Variants in ST6GALNAC3 observed in about 807,000 individuals in gnomAD.
The protein encoded by ST6GALNAC3 is ST6 N-acetylgalactosaminide alpha-2,6-sialyltransferase 3.
ST6GALNAC3 carries 25 observed loss-of-function variants against 32.7 expected under a neutral mutation model. The ratio of observed to expected loss-of-function variants is 0.76; its 90% CI spans 0.56 to 1.07. ST6GALNAC3 has a LOEUF of 1.07. Among genes scored for constraint, ST6GALNAC3 ranks in the 50% least tolerant of loss-of-function variants. The probability of loss-of-function intolerance (pLI) is 0.00; values close to 1 mark genes in which losing one functional copy is unlikely to be tolerated. For missense variants in ST6GALNAC3, 355 were observed against 382.4 expected, an observed-to-expected ratio of 0.93 and a Z score of 0.60; for synonymous variants, 129 against 133.1, an observed-to-expected ratio of 0.97 and a Z score of 0.21.
At chr1:76,296,290 A>G (rs1321575913) in intron 1 of ST6GALNAC3, among the ~76,000 whole-genome samples, 1 of 152,080 alleles carries the variant, frequency 6.6e-6, no homozygotes, top group African/African-American at 2.4e-5. Flanking sequence ...CTGTGTGAAA[A>G]TACATTTTTG....
chr1:76,411,113 A>G (rs1401157946), intron 2 of ST6GALNAC3, among the ~76,000 whole-genome samples: 3 of 152,188 alleles, frequency 2.0e-5, no homozygotes, highest in Admixed American at 6.5e-5. Context: ...AAGGGTGACT[A>G]TGTGGGAGAG....
intron 2 of ST6GALNAC3, among the ~76,000 whole-genome samples, chr1:76,403,552 G>T (rs1238035055): frequency 1.3e-5 from 2 of 152,094 alleles, no homozygotes; most frequent in Non-Finnish European, 2.9e-5. Flanking sequence ...ACAAAATTAT[G>T]TGCAGGTGCC....
chr1:76,188,453 T>C (rs1653704837), intron 1 of ST6GALNAC3, among the ~76,000 whole-genome samples: 1 of 152,176 alleles, frequency 6.6e-6, no homozygotes, highest in Non-Finnish European at 1.5e-5. Flanking sequence ...CCATGTACTA[T>C]TGGACTGGTG....
intron 3 of ST6GALNAC3, among the ~76,000 whole-genome samples, chr1:76,423,991 T>C (rs1256624508): frequency 6.6e-6 from 1 of 151,960 alleles, no homozygotes; most frequent in Non-Finnish European, 1.5e-5. Context: ...ACATCAGCTG[T>C]ATCATTGTGG....
At chr1:76,615,348 A>G (rs911591101) in intron 3 of ST6GALNAC3, among the ~76,000 whole-genome samples, 1 of 152,066 alleles carries the variant, frequency 6.6e-6, no homozygotes, top group African/African-American at 2.4e-5. Context: ...GCTAAGGGGA[A>G]GGGAAGGGAA....
intron 2 of ST6GALNAC3, among the ~76,000 whole-genome samples, chr1:76,351,560 C>T (rs1469661381): frequency 6.6e-6 from 1 of 151,916 alleles, no homozygotes; most frequent in Admixed American, 6.5e-5. Flanking sequence ...TTAGAGTCTC[C>T]ATGTTTGCCC....
chr1:76,221,540 C>T (rs937492676), intron 1 of ST6GALNAC3, among the ~76,000 whole-genome samples: 7 of 152,180 alleles, frequency 4.6e-5, no homozygotes, highest in Admixed American at 6.5e-5. Context: ...CTCCCCTTCC[C>T]CAGTGCTCCC....
chr1:76,208,110 C>T (rs865966110), intron 1 of ST6GALNAC3, among the ~76,000 whole-genome samples: 1 of 86,500 alleles, frequency 1.2e-5, no homozygotes, highest in African/African-American at 3.1e-5. Flanking sequence ...GACTCAGGAT[C>T]CTGTAACCCA....
chr1:76,121,027 C>G (rs1648839038), intron 1 of ST6GALNAC3, among the ~76,000 whole-genome samples: 1 of 152,196 alleles, frequency 6.6e-6, no homozygotes. Flanking sequence ...CCTTCTCTGA[C>G]TCTGGCCCTC....
At chr1:76,133,219 C>T (rs981366325) in intron 1 of ST6GALNAC3, among the ~76,000 whole-genome samples, 2 of 152,152 alleles carry the variant, frequency 1.3e-5, no homozygotes, top group Admixed American at 1.3e-4. Flanking sequence ...CTTTAATTTC[C>T]TTATCTTGCT....
intron 3 of ST6GALNAC3, among the ~76,000 whole-genome samples, chr1:76,477,827 A>G (rs1186929909): frequency 6.6e-6 from 1 of 152,174 alleles, no homozygotes; most frequent in Non-Finnish European, 1.5e-5. Flanking sequence ...AGTTCTAAGT[A>G]CTGAAGACAC....
chr1:76,323,602 T>G (rs1306478787), intron 2 of ST6GALNAC3, among the ~76,000 whole-genome samples: 1 of 152,164 alleles, frequency 6.6e-6, no homozygotes, highest in African/African-American at 2.4e-5. Context: ...TGTGCTAGGC[T>G]CTGAAATTGT....
intron 2 of ST6GALNAC3, among the ~76,000 whole-genome samples, chr1:76,359,676 A>T (rs779646824): frequency 6.6e-6 from 1 of 152,184 alleles, no homozygotes; most frequent in Non-Finnish European, 1.5e-5. Context: ...GAAAACTGAT[A>T]TAGTAAGGAT....
At chr1:76,156,937 T>C (rs1651479989) in intron 1 of ST6GALNAC3, among the ~76,000 whole-genome samples, 1 of 152,212 alleles carries the variant, frequency 6.6e-6, no homozygotes, top group Admixed American at 6.5e-5. Context: ...TTCACCGTGT[T>C]AGCCAGGATG....
chr1:76,177,336 G>A lies in ST6GALNAC3; in HGVS notation c.18+102452G>A, dbSNP rs183725392. 1.1e-4 allele frequency among the ~76,000 whole-genome samples: 17 copies of A among 152,254 alleles called. No homozygotes were observed. In the East Asian group the frequency reaches 3.3e-3, roughly 29 times the overall value. Reference sequence around the variant, plus strand: ...TGTGTTTTGGACTCAGGATGTGTTTGTGAAAGAGCTTAAAATTTCTTTAGG... The same window carrying A: ...TGTGTTTTGGACTCAGGATGTGTTTATGAAAGAGCTTAAAATTTCTTTAGG... On this transcript the variant is annotated intron_variant, in intron 1 of 4. Coordinates refer to ENST00000328299, the MANE Select transcript of ST6GALNAC3 (RefSeq NM_152996.4).
At chr1:76,240,345 A>G (rs1268524432) in intron 1 of ST6GALNAC3, among the ~76,000 whole-genome samples, 1 of 152,172 alleles carries the variant, frequency 6.6e-6, no homozygotes, top group Non-Finnish European at 1.5e-5. Context: ...TTTACCAGCA[A>G]TTCTGTCTCA....
chr1:76,275,406 C>T (rs968557808), intron 1 of ST6GALNAC3, among the ~76,000 whole-genome samples: 1 of 152,136 alleles, frequency 6.6e-6, no homozygotes, highest in Non-Finnish European at 1.5e-5. Flanking sequence ...TTGATGTCCC[C>T]ATCCCTCCCA....
Position 76,634,029 on chromosome 1 carries a change from A to G in ST6GALNAC3, c.*5223A>G, listed in dbSNP as rs151125116. On this transcript the variant is annotated 3_prime_UTR_variant, in exon 5 of 5. Coordinates refer to ENST00000328299, the MANE Select transcript of ST6GALNAC3 (RefSeq NM_152996.4). ...GCGTTGTAACAGTGCAGAAAATCTC[A>G]TTTAGTTTTTTTCTTTTTTTTTTTC... The G allele has an allele frequency of 2.7e-4, 99 of 369,784 alleles. 1 individual carries two copies. In the East Asian group the frequency reaches 0.016, roughly 60 times the overall value. The allele number at this position is 369,784 out of a possible 1,614,324, so 22.9% of individuals were successfully genotyped here.
intron 1 of ST6GALNAC3, among the ~76,000 whole-genome samples, chr1:76,168,412 A>G (rs978451309): frequency 3.3e-5 from 5 of 152,142 alleles, no homozygotes. Flanking sequence ...TATGTGATCA[A>G]TTTTAGAGTA....
Sources: gnomAD v4.1 joint callset for allele counts (sites outside exome capture counted in the v4.1 genomes callset) on GRCh38, gnomAD v4.1.1 for gene constraint, MANE v1.5 for transcripts, NCBI Gene and HGNC (gene_info 2026-07-23, HGNC 2026-07-21) for gene names.